ADGRL3: variants seen among roughly 807,000 people sequenced by gnomAD.
ADGRL3 encodes the protein calcium-independent alpha-latrotoxin receptor 3.
ADGRL3 carries 62 observed loss-of-function variants against 153.5 expected under a neutral mutation model. That is an observed-to-expected ratio of 0.40 (90% CI 0.33 to 0.50). The LOEUF is 0.50. ADGRL3 is among the 20% of genes least tolerant of loss of function. The pLI is 0.47. For missense variants in ADGRL3, 1,641 were observed against 1,859.4 expected, an observed-to-expected ratio of 0.88 and a Z score of 2.16; for synonymous variants, 710 against 672.5, an observed-to-expected ratio of 1.06 and a Z score of -0.86.
chr4:61,395,427 G>GTTCT (rs1201417924), intron 2 of ADGRL3, among the ~76,000 whole-genome samples: 5 of 151,864 alleles, frequency 3.3e-5, no homozygotes, highest in African/African-American at 1.2e-4. Context: ...ATGAATTAAT[G>GTTCT]GAGTCTTCAC....
At chr4:61,659,897 C>CA (rs566191178) in intron 5 of ADGRL3, among the ~76,000 whole-genome samples, 85,670 of 109,150 alleles carry the variant, frequency 0.78, 34,348 homozygotes, top group Non-Finnish European at 0.85. Flanking sequence ...GTGAAGATTA[C>CA]AAAAAAAAAA....
chr4:61,867,540 A>ATATATATATATATATAT lies in ADGRL3; in HGVS notation c.1481-25116_1481-25115insTATATATATATATATAT, dbSNP rs201200813. On this transcript the variant is annotated intron_variant, in intron 9 of 26. Transcript: ENST00000683033. ...CATATATATATATATATATATATATAATTGTAGGAGAGAAAAGATTTCTTA... is the reference window on the plus strand; with the variant it reads ...CATATATATATATATATATATATATATATATATATATATATATATTGTAGGAGAGAAAAGATTTCTTA... Among the ~76,000 whole-genome samples the ATATATATATATATATAT allele has an allele frequency of 1.4e-3, 186 of 131,800 alleles. 1 individual carries two copies. Among genetic ancestry groups the ATATATATATATATATAT allele is most frequent in the Non-Finnish European group, 1.8e-3 (107 of 60,082 alleles). 86.5% of individuals were successfully genotyped at this position (131,800 alleles called of 152,430 possible).
chr4:61,775,839 T>G (rs577218951), intron 8 of ADGRL3: 41 of 541,950 alleles, frequency 7.6e-5, no homozygotes, highest in Non-Finnish European at 1.3e-4. Context: ...CAGCAATACC[T>G]TCCTCGGCCA....
At chr4:61,259,773 T>C (rs2092361774) in intron 1 of ADGRL3, among the ~76,000 whole-genome samples, 1 of 152,190 alleles carries the variant, frequency 6.6e-6, no homozygotes, top group South Asian at 2.1e-4. Context: ...TTCTCAAATA[T>C]TCACTTTCAT....
intron 5 of ADGRL3, among the ~76,000 whole-genome samples, chr4:61,593,936 C>T (rs552493414): frequency 3.9e-5 from 6 of 152,136 alleles, no homozygotes; most frequent in Non-Finnish European, 8.8e-5. Flanking sequence ...AAGACAATAA[C>T]TCTTAGATGT....
intron 6 of ADGRL3, among the ~76,000 whole-genome samples, chr4:61,710,154 T>G (rs2095941747): frequency 6.6e-6 from 1 of 151,966 alleles, no homozygotes; most frequent in East Asian, 1.9e-4. Flanking sequence ...TTCTGAAGTC[T>G]GTGGTTGGAT....
At chr4:61,308,808 T>C (rs2094897003) in intron 1 of ADGRL3, among the ~76,000 whole-genome samples, 1 of 152,182 alleles carries the variant, frequency 6.6e-6, no homozygotes, top group Admixed American at 6.5e-5. Context: ...ATCATTAGTT[T>C]GAAATTTTGA....
At chr4:61,547,269 T>C (rs1042404003) in intron 4 of ADGRL3, among the ~76,000 whole-genome samples, 12 of 152,056 alleles carry the variant, frequency 7.9e-5, no homozygotes, top group Non-Finnish European at 1.8e-4. Context: ...TTTTGGTTTT[T>C]TTTACTTTTT....
intron 2 of ADGRL3, among the ~76,000 whole-genome samples, chr4:61,384,045 A>G (rs1280500928): frequency 6.6e-6 from 1 of 151,944 alleles, no homozygotes; most frequent in Non-Finnish European, 1.5e-5. Flanking sequence ...AATTATTGAC[A>G]TAATTGATAT....
At chr4:61,677,303 T>C (rs528035126) in intron 6 of ADGRL3, 6 of 351,358 alleles carry the variant, frequency 1.7e-5, no homozygotes, top group South Asian at 1.4e-4. Context: ...TGTATAGCAG[T>C]TGATACATTT....
chr4:61,520,652 CTG>C (rs545112505), intron 4 of ADGRL3, among the ~76,000 whole-genome samples: 1,854 of 118,514 alleles, frequency 0.016, 35 homozygotes, highest in Middle Eastern at 0.022. Context: ...CTATAAACCT[CTG>C]TGTGTGTGTG....
At chr4:61,665,408 TAAAAACAAAAAC>T (rs1248319783) in intron 5 of ADGRL3, among the ~76,000 whole-genome samples, 1 of 151,916 alleles carries the variant, frequency 6.6e-6, no homozygotes, top group Non-Finnish European at 1.5e-5. Context: ...GAAACTGTCT[TAAAAACAAAAAC>T]GAAAACAAAA....
At chr4:61,219,791 T>C (rs1577890501) in intron 1 of ADGRL3, among the ~76,000 whole-genome samples, 1 of 152,300 alleles carries the variant, frequency 6.6e-6, no homozygotes, top group East Asian at 1.9e-4. Context: ...ATTATTTCTC[T>C]TCCTGTTTCA....
chr4:61,364,838 CT>C (rs1215042608), intron 1 of ADGRL3, among the ~76,000 whole-genome samples: 6 of 152,136 alleles, frequency 3.9e-5, no homozygotes, highest in Admixed American at 3.3e-4. Context: ...GGTCTTTTCT[CT>C]TCGATAGTAC....
chr4:61,254,975 T>C (rs2091819239), intron 1 of ADGRL3, among the ~76,000 whole-genome samples: 2 of 152,116 alleles, frequency 1.3e-5, no homozygotes, highest in South Asian at 4.1e-4. Flanking sequence ...TTTCAAGTAA[T>C]TTCATAATAT....
chr4:61,730,205 G>A (rs2151788904), intron 6 of ADGRL3, among the ~76,000 whole-genome samples: 1 of 151,988 alleles, frequency 6.6e-6, no homozygotes, highest in Non-Finnish European at 1.5e-5. Context: ...CAACTATTAT[G>A]TGAAATAGTG....
At chr4:61,546,546 T>A (rs186059033) in intron 4 of ADGRL3, among the ~76,000 whole-genome samples, 3 of 152,294 alleles carry the variant, frequency 2.0e-5, no homozygotes, top group East Asian at 3.9e-4. Context: ...ATATATTGTA[T>A]GTGTACAATA....
intron 3 of ADGRL3, among the ~76,000 whole-genome samples, chr4:61,513,910 A>G (rs1214934983): frequency 6.6e-6 from 1 of 152,188 alleles, no homozygotes; most frequent in African/African-American, 2.4e-5. Flanking sequence ...TACATGCAAC[A>G]GAGTTTGAAA....
chr4:61,263,171 T>A (rs1189285587), intron 1 of ADGRL3, among the ~76,000 whole-genome samples: 3 of 152,094 alleles, frequency 2.0e-5, no homozygotes, highest in Admixed American at 6.6e-5. Flanking sequence ...TATTCAAATT[T>A]ACGTTTTGCT....
Sources: allele counts gnomAD v4.1 joint callset (sites outside exome capture counted in the v4.1 genomes callset), GRCh38; gene constraint gnomAD v4.1.1; transcripts MANE v1.5; gene names NCBI Gene and HGNC (gene_info 2026-07-23, HGNC 2026-07-21).